Variants in KCNH7 observed in about 807,000 individuals in gnomAD.
KCNH7 encodes the protein potassium voltage-gated channel subfamily H member 7.
Under a neutral mutation model 120.8 loss-of-function variants are expected in KCNH7, and 49 were observed. That is an observed-to-expected ratio of 0.41 (90% CI 0.32 to 0.51). The LOEUF is 0.51. KCNH7 is among the 20% of genes least tolerant of loss of function. The pLI, the probability that KCNH7 is intolerant of heterozygous loss-of-function variation, is 0.38. For missense variants in KCNH7, 1,097 were observed against 1,446.6 expected (o/e 0.76, Z 3.92); for synonymous variants, 547 against 516.1 (o/e 1.06, Z -0.81).
chr2:162,434,804 T>G (rs1206872425), intron 8 of KCNH7, among the ~76,000 whole-genome samples: 1 of 152,038 alleles, frequency 6.6e-6, no homozygotes, highest in Non-Finnish European at 1.5e-5. Context: ...TTTTTTATGT[T>G]TGTACATTTT....
chr2:162,772,385 T>C (rs562764292), intron 2 of KCNH7, among the ~76,000 whole-genome samples: 14 of 152,288 alleles, frequency 9.2e-5, no homozygotes, highest in African/African-American at 3.4e-4. Flanking sequence ...TAGTAAACAG[T>C]TTTCAGGTTC....
At chr2:162,773,535 T>C (rs1412636123) in intron 2 of KCNH7, among the ~76,000 whole-genome samples, 1 of 152,070 alleles carries the variant, frequency 6.6e-6, no homozygotes, top group Non-Finnish European at 1.5e-5. Context: ...TTGAAATAAA[T>C]GTGTCAGCAA....
intron 6 of KCNH7, among the ~76,000 whole-genome samples, chr2:162,497,873 T>A (rs939458585): frequency 6.6e-6 from 1 of 152,286 alleles, no homozygotes; most frequent in East Asian, 1.9e-4. Flanking sequence ...TTACCATAAT[T>A]CTATTTTCAT....
chr2:162,647,391 T>C (rs1325159330), intron 2 of KCNH7, among the ~76,000 whole-genome samples: 2 of 152,224 alleles, frequency 1.3e-5, no homozygotes, highest in African/African-American at 4.8e-5. Flanking sequence ...GTAGGATTAA[T>C]TGTTTAAAAA....
intron 6 of KCNH7, among the ~76,000 whole-genome samples, chr2:162,499,581 C>T (rs1690609290): frequency 6.6e-6 from 1 of 151,996 alleles, no homozygotes; most frequent in South Asian, 2.1e-4. Flanking sequence ...ACCAATAAGG[C>T]CAAAAGAGGA....
chr2:162,672,854 A>C (rs1057184369), intron 2 of KCNH7, among the ~76,000 whole-genome samples: 1 of 151,994 alleles, frequency 6.6e-6, no homozygotes, highest in Non-Finnish European at 1.5e-5. Flanking sequence ...ACACACCAAT[A>C]AACAAAATTA....
At chr2:162,646,316 T>C (rs1684358011) in intron 2 of KCNH7, among the ~76,000 whole-genome samples, 1 of 152,190 alleles carries the variant, frequency 6.6e-6, no homozygotes, top group Non-Finnish European at 1.5e-5. Context: ...ATTTATCTGG[T>C]ATATTATGCA....
intron 2 of KCNH7, among the ~76,000 whole-genome samples, chr2:162,749,239 T>G (rs896140013): frequency 2.6e-5 from 4 of 151,646 alleles, no homozygotes; most frequent in African/African-American, 7.3e-5. Flanking sequence ...TGACTGGAGA[T>G]CTACCCAGTT....
chr2:162,428,609 T>C (rs777575987), intron 8 of KCNH7, among the ~76,000 whole-genome samples: 2 of 151,918 alleles, frequency 1.3e-5, no homozygotes, highest in Non-Finnish European at 2.9e-5. Flanking sequence ...TATAAAACGC[T>C]GAGAGAGGAG....
chr2:162,455,761 T>G (rs1049301811), intron 6 of KCNH7, among the ~76,000 whole-genome samples: 1 of 152,166 alleles, frequency 6.6e-6, no homozygotes, highest in Non-Finnish European at 1.5e-5. Flanking sequence ...GTGGTTTGTA[T>G]TTCTGTAGGG....
intron 4 of KCNH7, 108 bp from the exon 5 acceptor site, chr2:162,512,782 T>C (rs1691124534): frequency 4.7e-6 from 4 of 843,858 alleles, no homozygotes; most frequent in Non-Finnish European, 7.3e-6. Context: ...AATCAGAATA[T>C]GATGGAAAAT....
chr2:162,661,562 G>T (rs979565814), intron 2 of KCNH7, among the ~76,000 whole-genome samples: 1 of 152,056 alleles, frequency 6.6e-6, no homozygotes, highest in East Asian at 1.9e-4. Flanking sequence ...AACCCTAAAC[G>T]TTTCCCTATA....
intron 6 of KCNH7, among the ~76,000 whole-genome samples, chr2:162,458,355 G>T (rs906133457): frequency 6.6e-6 from 1 of 151,970 alleles, no homozygotes; most frequent in Non-Finnish European, 1.5e-5. Context: ...AAAAAATATA[G>T]TTTCTTCCAG....
chr2:162,624,016 G>T (rs1300902317), intron 2 of KCNH7, among the ~76,000 whole-genome samples: 1 of 152,114 alleles, frequency 6.6e-6, no homozygotes, highest in Non-Finnish European at 1.5e-5. Flanking sequence ...ATGCCATCCT[G>T]CTCTGTCTTG....
intron 2 of KCNH7, among the ~76,000 whole-genome samples, chr2:162,806,000 T>C (rs923922580): frequency 2.0e-5 from 3 of 152,092 alleles, no homozygotes; most frequent in African/African-American, 7.2e-5. Flanking sequence ...CCAAATACCG[T>C]ATGTTCTCAC....
chr2:162,719,946 C>T (rs187040537), intron 2 of KCNH7, among the ~76,000 whole-genome samples: 1 of 151,956 alleles, frequency 6.6e-6, no homozygotes, highest in Non-Finnish European at 1.5e-5. Flanking sequence ...ATACTAGGAG[C>T]TGTTAGCTAT....
chr2:162,385,008 T>C, intron 12 of KCNH7, 69 bp from the exon 13 acceptor site: 1 of 1,218,140 alleles, frequency 8.2e-7, no homozygotes, highest in Non-Finnish European at 1.2e-6. Context: ...GTATGCATAT[T>C]ACACTACCTA....
At chr2:162,737,162 T>C (rs918158063) in intron 2 of KCNH7, among the ~76,000 whole-genome samples, 6 of 152,158 alleles carry the variant, frequency 3.9e-5, no homozygotes, top group Non-Finnish European at 5.9e-5. Context: ...GAAAGGGTAG[T>C]TCCAAGCACC....
At chr2:162,667,669 T>C (rs1247457570) in intron 2 of KCNH7, among the ~76,000 whole-genome samples, 1 of 152,204 alleles carries the variant, frequency 6.6e-6, no homozygotes. Context: ...TCACTAATAT[T>C]TTAATTCTTC....
Sources: allele counts gnomAD v4.1 joint callset (sites outside exome capture counted in the v4.1 genomes callset), GRCh38; gene constraint gnomAD v4.1.1; transcripts MANE v1.5; gene names NCBI Gene and HGNC (gene_info 2026-07-23, HGNC 2026-07-21).